The following KRIT1 variants were observed in gnomAD, a reference collection of about 807,000 sequenced individuals.
KRIT1 encodes KRIT1 ankyrin repeat containing, also known as krev interaction trapped protein 1.
In KRIT1, 45 loss-of-function variants were observed where a neutral mutation model predicts 95.8. The observed-to-expected ratio is 0.47, with a 90% CI of 0.37 to 0.60. The LOEUF (loss-of-function observed/expected upper bound fraction) is 0.60, where lower values mean the gene tolerates loss of function less well. KRIT1 is among the 20% of genes least tolerant of loss of function. The pLI is 0.00. For missense variants in KRIT1, 788 were observed against 877.5 expected (o/e 0.90, Z 1.29); for synonymous variants, 282 against 278.8 (o/e 1.01, Z -0.11).
chr7:92,236,243 C>A (rs1362253082), intron 7 of KRIT1, 170 bp downstream of exon 7: 1 of 555,394 alleles, frequency 1.8e-6, no homozygotes, highest in Non-Finnish European at 3.2e-6. Context: ...CCAGGACAAC[C>A]TTATCTTCGG....
At position 92,226,513 on chromosome 7, in the gene KRIT1, GA is replaced by G. The variant is rs1316564078; in HGVS notation, c.1146+12del. 6.3e-7 allele frequency: 1 copy of G among 1,597,214 alleles called. No homozygotes were observed. Among genetic ancestry groups the G allele is most frequent in the Non-Finnish European group, 8.6e-7 (1 of 1,165,214 alleles). ...CTTGAATATTATTTTTAAAAACCTG[GA>G]AAATAACTTACTCTATCCGTTTCTG... On this transcript the variant is annotated intron_variant, in intron 11 of 18. Coordinates refer to ENST00000394505, the MANE Select transcript of KRIT1 (RefSeq NM_194454.3).
At chr7:92,235,301 T>G in intron 8 of KRIT1, 102 bp downstream of exon 8, 2 of 1,208,512 alleles carry the variant, frequency 1.7e-6, no homozygotes. Context: ...TACCAGGCCT[T>G]CATGTTTATA....
At chr7:92,203,665 A>G (rs1790725022) in intron 17 of KRIT1, among the ~76,000 whole-genome samples, 1 of 152,242 alleles carries the variant, frequency 6.6e-6, no homozygotes, top group Non-Finnish European at 1.5e-5. Flanking sequence ...CCTTCATTTG[A>G]ATACTATATA....
chr7:92,223,306 G>A (rs974154548), intron 12 of KRIT1, among the ~76,000 whole-genome samples: 5 of 149,310 alleles, frequency 3.3e-5, no homozygotes, highest in Non-Finnish European at 5.9e-5. Flanking sequence ...TTAGCTGGGC[G>A]TGGTGGCAGG....
At chr7:92,241,979 G>A (rs1441574300) in intron 4 of KRIT1, 55 bp downstream of exon 4, 1 of 945,626 alleles carries the variant, frequency 1.1e-6, no homozygotes, top group African/African-American at 1.6e-5. Context: ...ATATGTGAAT[G>A]ATAATACAGA....
At chr7:92,201,190 T>C in intron 18 of KRIT1, 117 bp downstream of exon 18, 1 of 700,536 alleles carries the variant, frequency 1.4e-6, no homozygotes, top group Non-Finnish European at 2.6e-6. Context: ...CTTAAATATT[T>C]TAATTTCATG....
At position 92,235,478 on chromosome 7, in the gene KRIT1, T is replaced by A; in HGVS notation, c.654A>T (p.Lys218Asn). 1 of 1,613,446 alleles carries A rather than the reference T, an allele frequency of 6.2e-7. No homozygotes were observed. The highest frequency in any genetic ancestry group is 8.5e-7 in the Non-Finnish European group (1 of 1,179,398). Residue 218 changes from lysine (K) to asparagine (N), a missense_variant, in exon 8 of 19, where the codon AAA becomes AAT. Physicochemically the swap from Lys to Asn is moderately conservative, Grantham distance 94. Around this residue, in one of 3 missense-constraint regions of KRIT1, gnomAD observed 289 missense variants for 277.5 expected, o/e 1.04. Transcript: ENST00000394505. ...MGYSALEIKS[K>N]MLALEKADTC... ...TATCTGCTTTCTCTAGGGCTAACATTTTACTCTTTATTTCTAGTGCACTAT... is the reference window on the plus strand; with the variant it reads ...TATCTGCTTTCTCTAGGGCTAACATATTACTCTTTATTTCTAGTGCACTAT...
At chr7:92,230,588 A>C (rs763781941) in intron 10 of KRIT1, among the ~76,000 whole-genome samples, 3 of 152,232 alleles carry the variant, frequency 2.0e-5, no homozygotes, top group Non-Finnish European at 4.4e-5. Context: ...AAGGAAGGAA[A>C]GAAACAGGAT....
At chr7:92,223,757 A>T (rs1380774451) in intron 12 of KRIT1, among the ~76,000 whole-genome samples, 3 of 152,184 alleles carry the variant, frequency 2.0e-5, no homozygotes, top group Non-Finnish European at 4.4e-5. Flanking sequence ...CTTTGCAGGT[A>T]AAAGTTATCA....
At position 92,236,440 on chromosome 7, in the gene KRIT1, G is replaced by C. The variant is rs537211074; in HGVS notation, c.458C>G (p.Thr153Arg). The change falls in exon 7 of 19, where the codon ACA becomes AGA. Residue 153 changes from threonine (T) to arginine (R), a missense_variant. By Grantham distance (71) the Thr-to-Arg change is moderately conservative (BLOSUM62 -1). Coordinates refer to ENST00000394505, the MANE Select transcript of KRIT1 (RefSeq NM_194454.3). Reference protein sequence around the residue: ...SESSTHFATLTARMLIALDKW... With the variant: ...SESSTHFATLRARMLIALDKW... ...ATCCAAGGCTATTAACATCCTTGCT[G>C]TAAGTGTAGCAAAATGAGTACTGGA... 2 of 1,604,902 alleles carry C rather than the reference G, an allele frequency of 1.2e-6. No individual in the cohort carries two copies. Among genetic ancestry groups the C allele is most frequent in the South Asian group, 1.1e-5 (1 of 90,872 alleles).
At chr7:92,215,115 TA>T (rs1430990218) in intron 14 of KRIT1, among the ~76,000 whole-genome samples, 1 of 151,280 alleles carries the variant, frequency 6.6e-6, no homozygotes, top group Non-Finnish European at 1.5e-5. Context: ...AGGAAATAGT[TA>T]TTTTTTTTAA....
At chr7:92,227,870 G>A (rs898374287) in intron 10 of KRIT1, among the ~76,000 whole-genome samples, 1 of 152,054 alleles carries the variant, frequency 6.6e-6, no homozygotes, top group East Asian at 2.0e-4. Flanking sequence ...AAATTAGCTG[G>A]GTGTGGTGGC....
intron 5 of KRIT1, among the ~76,000 whole-genome samples, chr7:92,239,413 G>A (rs1799111039): frequency 6.6e-6 from 1 of 152,186 alleles, no homozygotes; most frequent in Non-Finnish European, 1.5e-5. Context: ...CTGTCTCAGG[G>A]ATTTGGTGTC....
intron 14 of KRIT1, among the ~76,000 whole-genome samples, chr7:92,221,429 G>C (rs1795115976): frequency 1.3e-5 from 2 of 151,270 alleles, no homozygotes; most frequent in African/African-American, 4.9e-5. Context: ...GCAAGACTCA[G>C]TCTCAAAAAA....
chr7:92,215,573 T>C (rs543062889), intron 14 of KRIT1, among the ~76,000 whole-genome samples: 4 of 151,914 alleles, frequency 2.6e-5, no homozygotes, highest in East Asian at 3.9e-4. Flanking sequence ...GGGCTCAAGC[T>C]ATCTACCTGC....
chr7:92,240,978 A>C lies in KRIT1; in HGVS notation c.262+15T>G, dbSNP rs753723134. 7.5e-6 allele frequency: 12 copies of C among 1,593,946 alleles called. No homozygotes were observed. In the South Asian group the frequency reaches 1.2e-4, roughly 16 times the overall value. ...TATTTTAAACAATGTGTTTTTTAAA[A>C]AAGAAGTTTCCTACCTCTGATACCC... is the stretch of plus-strand genomic sequence containing the variant. On this transcript the variant is annotated intron_variant, in intron 5 of 18. Transcript: ENST00000394505.
intron 6 of KRIT1, among the ~76,000 whole-genome samples, chr7:92,237,047 A>T (rs1403831211): frequency 6.6e-6 from 1 of 152,104 alleles, no homozygotes; most frequent in Non-Finnish European, 1.5e-5. Context: ...GAATTTTTCC[A>T]GCACCATGAA....
Position 92,245,838 on chromosome 7 carries a change from C to T in KRIT1, c.-469G>A, listed in dbSNP as rs1047875164. ...TCCTCGCACCTCAGCACCATTCACC[C>T]CTCACCCTCTCCCGAAACTACGGGG... On this transcript the variant is annotated 5_prime_UTR_variant, in exon 1 of 19. Transcript: ENST00000394505. 4.7e-6 allele frequency: 1 copy of T among 212,748 alleles called. No homozygotes were observed. The highest frequency in any genetic ancestry group is 9.4e-6 in the Non-Finnish European group (1 of 106,432). The allele number at this position is 212,748 out of a possible 1,614,324, so 13.2% of individuals were successfully genotyped here. A position where few individuals can be genotyped will look rare whatever the true frequency, so the allele number is the denominator to read the frequency against.
chr7:92,230,260 A>G (rs1010140495), intron 10 of KRIT1, among the ~76,000 whole-genome samples: 1 of 152,168 alleles, frequency 6.6e-6, no homozygotes, highest in African/African-American at 2.4e-5. Flanking sequence ...CATGGTGACT[A>G]GCCAGAGTTA....
Sources: gnomAD v4.1 joint callset for allele counts (sites outside exome capture counted in the v4.1 genomes callset) on GRCh38, gnomAD v4.1.1 for gene constraint, gnomAD v4.1.1 regional missense constraint, MANE v1.5 for transcripts, NCBI Gene and HGNC (gene_info 2026-07-23, HGNC 2026-07-21) for gene names.